KDM4C: variants seen among roughly 807,000 people sequenced by gnomAD.
KDM4C encodes the protein lysine-specific demethylase 4C.
In KDM4C, 81 loss-of-function variants were observed where a neutral mutation model predicts 129.3. That is an observed-to-expected ratio of 0.63 (90% CI 0.52 to 0.75). The LOEUF (loss-of-function observed/expected upper bound fraction) is 0.75. Ranked by LOEUF, KDM4C falls within the 30% of genes least tolerant of loss-of-function variation. The probability of loss-of-function intolerance (pLI) is 0.00; values close to 1 mark genes in which losing one functional copy is unlikely to be tolerated. For synonymous variants in KDM4C, 573 were observed against 456.1 expected (o/e 1.26, Z -3.26); for missense variants, 1,457 against 1,304.0 (o/e 1.12, Z -1.81).
intron 1 of KDM4C, among the ~76,000 whole-genome samples, chr9:6,768,829 G>C (rs887995165): frequency 3.3e-5 from 5 of 151,706 alleles, no homozygotes; most frequent in Admixed American, 1.3e-4. Context: ...CTGGAGTGCA[G>C]TGATGCAATC....
intron 8 of KDM4C, among the ~76,000 whole-genome samples, chr9:6,946,912 CAAAAT>C (rs1827076233): frequency 6.6e-6 from 1 of 151,738 alleles, no homozygotes; most frequent in East Asian, 1.9e-4. Flanking sequence ...TCTCTAAACT[CAAAAT>C]AAATGCATCT....
At position 6,789,766 on chromosome 9, in the gene KDM4C, ACAGAGG is replaced by A. The variant is rs1341379693; in HGVS notation, c.-17-3202_-17-3197del. On this transcript the variant is annotated intron_variant, in intron 1 of 21. Transcript: ENST00000381309. ...GGGGTATGTACCTGTCTACACGTGA[ACAGAGG>A]CAGGTAGGAATGTAGCCTGGAAGGT... Among the ~76,000 whole-genome samples the A allele has an allele frequency of 2.0e-5, 3 of 152,054 alleles. No homozygotes were observed. In the East Asian group the frequency reaches 5.8e-4, roughly 29 times the overall value.
intron 15 of KDM4C, among the ~76,000 whole-genome samples, chr9:7,037,586 A>G (rs567159704): frequency 5.1e-4 from 78 of 152,312 alleles, no homozygotes; most frequent in African/African-American, 1.9e-3. Context: ...TTTTTTATGA[A>G]ACCAAATTTT....
chr9:7,061,938 A>G (rs1831741712), intron 17 of KDM4C, among the ~76,000 whole-genome samples: 1 of 152,206 alleles, frequency 6.6e-6, no homozygotes, highest in African/African-American at 2.4e-5. Context: ...TATCACCAGT[A>G]TCTTTGGCAA....
At chr9:7,004,369 T>G (rs1049067822) in intron 12 of KDM4C, among the ~76,000 whole-genome samples, 5 of 152,336 alleles carry the variant, frequency 3.3e-5, no homozygotes, top group African/African-American at 1.2e-4. Context: ...AGATGACATA[T>G]TTTTATAACT....
intron 15 of KDM4C, among the ~76,000 whole-genome samples, chr9:7,043,535 C>T (rs1828925608): frequency 6.6e-6 from 1 of 151,966 alleles, no homozygotes. Flanking sequence ...TTCTACTGGG[C>T]TTTAATCATA....
chr9:6,802,937 T>C (rs899351717), intron 2 of KDM4C, among the ~76,000 whole-genome samples: 1 of 152,202 alleles, frequency 6.6e-6, no homozygotes, highest in Non-Finnish European at 1.5e-5. Context: ...TCACAAAATA[T>C]GAGTGAAGTA....
chr9:6,892,337 A>C (rs1474209542), intron 7 of KDM4C, among the ~76,000 whole-genome samples: 1 of 152,120 alleles, frequency 6.6e-6, no homozygotes, highest in Non-Finnish European at 1.5e-5. Context: ...AAAAGAAACA[A>C]CACTACATTT....
intron 1 of KDM4C, among the ~76,000 whole-genome samples, chr9:6,742,021 G>A (rs1817716263): frequency 6.7e-6 from 1 of 148,748 alleles, no homozygotes; most frequent in South Asian, 2.1e-4. Context: ...CACCCAGGCT[G>A]AAGTGCAGTG....
At chr9:6,992,121 T>C (rs1166715941) in intron 12 of KDM4C, among the ~76,000 whole-genome samples, 1 of 152,144 alleles carries the variant, frequency 6.6e-6, no homozygotes, top group Non-Finnish European at 1.5e-5. Flanking sequence ...TAATGTATAA[T>C]GCTCATGATT....
chr9:7,080,485 T>A (rs1219865766), intron 17 of KDM4C, among the ~76,000 whole-genome samples: 1 of 152,208 alleles, frequency 6.6e-6, no homozygotes, highest in African/African-American at 2.4e-5. Context: ...TTGTTTCTCT[T>A]AGAATTCAGA....
At chr9:7,159,803 T>C (rs1843584663) in intron 19 of KDM4C, among the ~76,000 whole-genome samples, 1 of 152,196 alleles carries the variant, frequency 6.6e-6, no homozygotes. Flanking sequence ...CTGCCAATTA[T>C]GTGTCTTGGG....
At chr9:6,971,326 A>G (rs181701507) in intron 8 of KDM4C, among the ~76,000 whole-genome samples, 3 of 152,236 alleles carry the variant, frequency 2.0e-5, no homozygotes, top group African/African-American at 7.2e-5. Context: ...TCCTTTTTGG[A>G]TTTATTCCAG....
intron 18 of KDM4C, among the ~76,000 whole-genome samples, chr9:7,118,314 A>G (rs1839138996): frequency 6.6e-6 from 1 of 152,200 alleles, no homozygotes; most frequent in Admixed American, 6.5e-5. Flanking sequence ...AATACTTGTG[A>G]CGTTTTGATG....
chr9:7,020,143 C>T lies in KDM4C; in HGVS notation c.2259+4214C>T, dbSNP rs960855908. On this transcript the variant is annotated intron_variant, in intron 15 of 21. Transcript: ENST00000381309. Reference sequence around the variant, plus strand: ...CATTCACGTCCATTAAAATAAAAACCAAAATATATATTGCAGCTTCAATTG... The same window carrying T: ...CATTCACGTCCATTAAAATAAAAACTAAAATATATATTGCAGCTTCAATTG... 4.6e-5 allele frequency among the ~76,000 whole-genome samples: 7 copies of T among 152,164 alleles called. No individual in the cohort carries two copies. In the Middle Eastern group the frequency reaches 0.017, roughly 370 times the overall value.
At chr9:7,109,513 A>G (rs545178873) in intron 18 of KDM4C, among the ~76,000 whole-genome samples, 2 of 152,196 alleles carry the variant, frequency 1.3e-5, no homozygotes, top group Non-Finnish European at 2.9e-5. Context: ...CCAGAATTAC[A>G]TTTCAGCATA....
intron 5 of KDM4C, among the ~76,000 whole-genome samples, chr9:6,878,883 G>T (rs1843999248): frequency 6.6e-6 from 1 of 152,124 alleles, no homozygotes; most frequent in Non-Finnish European, 1.5e-5. Flanking sequence ...GAACTGGTAA[G>T]AAGTGGCCAT....
At chr9:6,776,455 G>A (rs139295904) in intron 1 of KDM4C, among the ~76,000 whole-genome samples, 21 of 152,134 alleles carry the variant, frequency 1.4e-4, no homozygotes, top group African/African-American at 5.1e-4. Flanking sequence ...TAGAGACAGA[G>A]TTTCCACCAT....
chr9:6,871,488 T>C (rs1842817027), intron 5 of KDM4C, among the ~76,000 whole-genome samples: 1 of 152,216 alleles, frequency 6.6e-6, no homozygotes, highest in African/African-American at 2.4e-5. Flanking sequence ...AGTGTGTTCA[T>C]AGTTCATTAG....
Sources: gnomAD v4.1 joint callset for allele counts (sites outside exome capture counted in the v4.1 genomes callset) on GRCh38, gnomAD v4.1.1 for gene constraint, MANE v1.5 for transcripts, NCBI Gene and HGNC (gene_info 2026-07-23, HGNC 2026-07-21) for gene names.